Variants in FBLIM1 observed in about 807,000 individuals in gnomAD.
FBLIM1 encodes the protein filamin binding LIM protein 1, also known as filamin-binding LIM protein 1.
FBLIM1 carries 29 observed loss-of-function variants against 37.4 expected under a neutral mutation model. That is an observed-to-expected ratio of 0.77 (90% CI 0.58 to 1.06). FBLIM1 has a LOEUF of 1.06. Ranked by LOEUF, FBLIM1 falls within the 50% of genes least tolerant of loss-of-function variation. The pLI is 0.00. For missense variants in FBLIM1, 449 were observed against 505.6 expected, an observed-to-expected ratio of 0.89 and a Z score of 1.07; for synonymous variants, 193 against 199.0, an observed-to-expected ratio of 0.97 and a Z score of 0.25.
rs6658114 is a variant in FBLIM1 at position 15,771,258 on chromosome 1, T to G, written c.711+680T>G. Among the ~76,000 whole-genome samples, 1,242 of 150,994 alleles carry G rather than the reference T, an allele frequency of 8.2e-3. 21 individuals carry two copies. The highest frequency in any genetic ancestry group is 0.029 in the African/African-American group (1,192 of 41,014). Reference sequence around the variant, plus strand: ...CAGCCTGTTTTTTTTTGTTTTTTTTTTTTTTTAAGATGGAGGCTCATTCTG... The same window carrying G: ...CAGCCTGTTTTTTTTTGTTTTTTTTGTTTTTTAAGATGGAGGCTCATTCTG... On this transcript the variant is annotated intron_variant, in intron 6 of 8. Coordinates refer to ENST00000375766, the MANE Select transcript of FBLIM1 (RefSeq NM_017556.4).
intron 3 of FBLIM1, among the ~76,000 whole-genome samples, chr1:15,766,177 G>A (rs894896293): frequency 2.6e-5 from 4 of 152,002 alleles, no homozygotes; most frequent in Non-Finnish European, 4.4e-5. Flanking sequence ...GTGTGATCAC[G>A]GCTCACTGTA....
intron 6 of FBLIM1, among the ~76,000 whole-genome samples, chr1:15,771,323 T>A (rs935881710): frequency 6.6e-6 from 1 of 151,014 alleles, no homozygotes; most frequent in African/African-American, 2.4e-5. Context: ...CTCAGATCAC[T>A]GCAACCTCTG....
chr1:15,783,784 G>C (rs916979587), intron 8 of FBLIM1, among the ~76,000 whole-genome samples: 1 of 151,652 alleles, frequency 6.6e-6, no homozygotes, highest in South Asian at 2.1e-4. Flanking sequence ...GGGTTTCACC[G>C]TGTTAGCCAG....
intron 1 of FBLIM1, among the ~76,000 whole-genome samples, chr1:15,763,841 T>A (rs902933268): frequency 6.6e-6 from 1 of 151,990 alleles, no homozygotes; most frequent in African/African-American, 2.4e-5. Flanking sequence ...GGTTTCACCA[T>A]GTTGGCAGGG....
At chr1:15,781,672 G>T (rs1261574777) in intron 8 of FBLIM1, among the ~76,000 whole-genome samples, 1 of 150,858 alleles carries the variant, frequency 6.6e-6, no homozygotes, top group Non-Finnish European at 1.5e-5. Context: ...TATTATTTAT[G>T]ACTATTGTTG....
At chr1:15,758,764 G>T, upstream of FBLIM1, 1 of 151,966 alleles carries the variant, frequency 6.6e-6, no homozygotes, top group South Asian at 1.9e-4. The surrounding 1 kb of genome is among the most constrained non-coding windows in gnomAD (Gnocchi z 6.2). Context: ...GAGGGCGGAC[G>T]GGCGGAGGGG....
intron 6 of FBLIM1, among the ~76,000 whole-genome samples, chr1:15,771,245 T>G (rs1557697218): frequency 1.0e-5 from 1 of 95,614 alleles, no homozygotes; most frequent in African/African-American, 3.6e-5. Context: ...GCCTGTTTTT[T>G]TTTGTTTTTT....
chr1:15,784,353 G>A (rs2069722840), intron 8 of FBLIM1, among the ~76,000 whole-genome samples, 195 bp from the exon 9 acceptor site: 2 of 152,174 alleles, frequency 1.3e-5, no homozygotes, highest in Non-Finnish European at 2.9e-5. Context: ...CTCCATGTGT[G>A]TCTGTGTCTC....
chr1:15,774,922 A>C lies in FBLIM1; in HGVS notation c.890+126A>C, dbSNP rs770570731. 7.0e-5 allele frequency: 110 copies of C among 1,576,604 alleles called. No individual in the cohort carries two copies. Among genetic ancestry groups the C allele is most frequent in the Non-Finnish European group, 9.4e-5 (109 of 1,160,564 alleles). On this transcript the variant is annotated intron_variant, in intron 7 of 8. Coordinates refer to ENST00000375766, the MANE Select transcript of FBLIM1 (RefSeq NM_017556.4). ...TCCTGTCTACTGGTTTATTATAAAGAATATTACAGGGCTGGGCTGGGCGCG... is the reference window on the plus strand; with the variant it reads ...TCCTGTCTACTGGTTTATTATAAAGCATATTACAGGGCTGGGCTGGGCGCG...
chr1:15,780,709 C>G (rs2069613704), intron 8 of FBLIM1, among the ~76,000 whole-genome samples: 1 of 152,144 alleles, frequency 6.6e-6, no homozygotes, highest in Non-Finnish European at 1.5e-5. Flanking sequence ...GAGCAGATCT[C>G]TTACTCAGCC....
At chr1:15,778,645 CTTTTTTTT>C (rs57110270) in intron 8 of FBLIM1, among the ~76,000 whole-genome samples, 1 of 146,976 alleles carries the variant, frequency 6.8e-6, no homozygotes, top group Non-Finnish European at 1.5e-5. Flanking sequence ...GCTTCTTTTT[CTTTTTTTT>C]TTTTGAGATG....
intron 1 of FBLIM1, among the ~76,000 whole-genome samples, chr1:15,764,284 G>A (rs1013486672): frequency 6.6e-6 from 1 of 152,230 alleles, no homozygotes; most frequent in African/African-American, 2.4e-5. Context: ...TTAGGTGGGT[G>A]ATGATAGTGC....
At chr1:15,766,072 A>C (rs1405999854) in intron 3 of FBLIM1, among the ~76,000 whole-genome samples, 1 of 152,060 alleles carries the variant, frequency 6.6e-6, no homozygotes, top group Non-Finnish European at 1.5e-5. Flanking sequence ...TCTCTGATTC[A>C]GCAGATCTGC....
intron 8 of FBLIM1, among the ~76,000 whole-genome samples, chr1:15,784,063 T>A (rs1014977850): frequency 6.6e-6 from 1 of 152,128 alleles, no homozygotes; most frequent in Non-Finnish European, 1.5e-5. Context: ...GGCACACGCC[T>A]GTAATCCCAG....
chr1:15,784,504 C>A, intron 8 of FBLIM1, 44 bp from the exon 9 acceptor site: 1 of 1,515,988 alleles, frequency 6.6e-7, no homozygotes, highest in Non-Finnish European at 9.1e-7. Context: ...GTGCAGGCAG[C>A]GCCCAGGCCC....
At position 15,786,364 on chromosome 1, in the gene FBLIM1, C is replaced by T. The variant is rs2069766748; in HGVS notation, c.*1703C>T. Reference sequence around the variant, plus strand: ...CCAGACCACAGCGTCTTGCCCTGAGCCTAGAGCAGGGAGTCCCGAACTTCT... The same window carrying T: ...CCAGACCACAGCGTCTTGCCCTGAGTCTAGAGCAGGGAGTCCCGAACTTCT... On this transcript the variant is annotated 3_prime_UTR_variant, in exon 9 of 9. Coordinates refer to ENST00000375766, the MANE Select transcript of FBLIM1 (RefSeq NM_017556.4). 6.6e-6 allele frequency: 1 copy of T among 152,196 alleles called. No individual in the cohort carries two copies. The highest frequency in any genetic ancestry group is 1.5e-5 in the Non-Finnish European group (1 of 68,060). 9.4% of individuals were successfully genotyped at this position (152,196 alleles called of 1,614,324 possible).
chr1:15,773,636 G>C (rs745726913), intron 6 of FBLIM1, among the ~76,000 whole-genome samples: 1 of 142,450 alleles, frequency 7.0e-6, no homozygotes, highest in South Asian at 2.2e-4. Context: ...CCAAGATTGC[G>C]CCACTGCACT....
At chr1:15,782,284 T>C (rs926642576) in intron 8 of FBLIM1, among the ~76,000 whole-genome samples, 26 of 151,854 alleles carry the variant, frequency 1.7e-4, no homozygotes, top group Non-Finnish European at 2.6e-4. Context: ...GGTACCTGTC[T>C]GTAGTTCCAG....
intron 1 of FBLIM1, among the ~76,000 whole-genome samples, chr1:15,762,778 G>A (rs1428487060): frequency 6.6e-6 from 1 of 152,214 alleles, no homozygotes; most frequent in African/African-American, 2.4e-5. Flanking sequence ...GAGCTTGTGA[G>A]CCAGCCTGTC....
Sources: gnomAD v4.1 joint callset for allele counts (sites outside exome capture counted in the v4.1 genomes callset) on GRCh38, gnomAD v4.1.1 for gene constraint, Gnocchi (gnomAD v3.1) non-coding constraint, MANE v1.5 for transcripts, NCBI Gene and HGNC (gene_info 2026-07-23, HGNC 2026-07-21) for gene names.